NRAP: variants seen among roughly 807,000 people sequenced by gnomAD.
The protein encoded by NRAP is nebulin related anchoring protein.
In NRAP, 189 loss-of-function variants were observed where a neutral mutation model predicts 225.9. The ratio of observed to expected loss-of-function variants is 0.84; its 90% confidence interval spans 0.74 to 0.94. The LOEUF is 0.94. Ranked by LOEUF, NRAP falls within the 40% of genes least tolerant of loss-of-function variation. NRAP has a pLI of 0.00. For synonymous variants in NRAP, 769 were observed against 790.7 expected, an observed-to-expected ratio of 0.97 and a Z score of 0.46; for missense variants, 2,176 against 2,168.7, an observed-to-expected ratio of 1.00 and a Z score of -0.07.
Position 113,621,356 on chromosome 10 carries a change from C to T in NRAP, c.2769+513G>A, listed in dbSNP as rs1306342742. Among the ~76,000 whole-genome samples, 3 of 151,712 alleles carry T rather than the reference C, an allele frequency of 2.0e-5. No individual in the cohort carries two copies. In the East Asian group the frequency reaches 5.8e-4, roughly 29 times the overall value. On this transcript the variant is annotated intron_variant, in intron 24 of 41. Transcript: ENST00000359988. ...ACACACACACAACCTTCCTGTGTGA[C>T]AGTCTGGCTGCAGCTGACCTGCCTT...
Position 113,633,097 on chromosome 10 carries a change from T to G in NRAP, c.1619A>C (p.Lys540Thr). The G allele has an allele frequency of 3.8e-6, 6 of 1,573,698 alleles. No individual in the cohort carries two copies. Among genetic ancestry groups the G allele is most frequent in the Non-Finnish European group, 5.2e-6 (6 of 1,143,360 alleles). The change falls in exon 16 of 42, where the codon AAA becomes ACA. Residue 540 changes from lysine (K) to threonine (T), a missense_variant. This residue lies in a region of NRAP where 1,708 missense variants were observed against 1,695.5 expected (regional missense o/e 1.01). Transcript: ENST00000359988. ...PQLVKAKTNA[K>T]LFSEVKYKEG... ...TTGCTCTCTTACCTCACTGAAGAGT[T>G]TGGCATTGGTTTTGGCCTTCACCAG...
intron 35 of NRAP, among the ~76,000 whole-genome samples, chr10:113,599,137 C>A (rs1011413780): frequency 1.3e-5 from 2 of 152,202 alleles, no homozygotes; most frequent in Non-Finnish European, 2.9e-5. Flanking sequence ...TCTGCTGTAA[C>A]GCAAAATATC....
chr10:113,650,591 T>G, intron 7 of NRAP, 46 bp from the exon 8 acceptor site: 1 of 1,253,166 alleles, frequency 8.0e-7, no homozygotes, highest in Non-Finnish European at 1.2e-6. Context: ...GTTTATCAGA[T>G]GATCTTAGTG....
intron 3 of NRAP, among the ~76,000 whole-genome samples, chr10:113,660,158 T>C (rs757677189): frequency 3.9e-5 from 6 of 151,908 alleles, no homozygotes; most frequent in Admixed American, 6.6e-5. Flanking sequence ...TATATACACA[T>C]ATATACATAC....
intron 9 of NRAP, among the ~76,000 whole-genome samples, chr10:113,649,197 C>G (rs1364560671): frequency 6.6e-6 from 1 of 152,202 alleles, no homozygotes; most frequent in Non-Finnish European, 1.5e-5. Context: ...CATCCTAAGA[C>G]TCATATGAGC....
chr10:113,598,221 G>A (rs1014554656), intron 35 of NRAP, 148 bp from the exon 36 acceptor site: 25 of 659,488 alleles, frequency 3.8e-5, no homozygotes, highest in African/African-American at 1.4e-4. Context: ...TCTGCATGTC[G>A]TCAAGTCAAA....
chr10:113,641,440 C>T lies in NRAP; in HGVS notation c.1248G>A (p.Met416Ile), dbSNP rs1849197774. 1.9e-6 allele frequency: 3 copies of T among 1,613,592 alleles called. No individual in the cohort carries two copies. In the African/African-American group the frequency reaches 4.0e-5, roughly 22 times the overall value. Reference protein sequence around the residue: ...NKYKENYQNHMRGRYEGVGMD... With the variant: ...NKYKENYQNHIRGRYEGVGMD... ...TACCAACTCCTTCATAGCGGCCTCT[C>T]ATGTGGTTCTGGTAGTTTTCTTTAT... Residue 416 changes from methionine (M) to isoleucine (I), a missense_variant, in exon 13 of 42, where the codon ATG (methionine) becomes ATA (isoleucine). Physicochemically the swap from Met to Ile is conservative, Grantham distance 10. Transcript: ENST00000359988.
At chr10:113,652,043 T>C (rs1234618998) in intron 6 of NRAP, 136 bp from the exon 7 acceptor site, 1 of 681,922 alleles carries the variant, frequency 1.5e-6, no homozygotes, top group Non-Finnish European at 2.6e-6. Flanking sequence ...GTGGCTTGTT[T>C]CATGGGCTCC....
intron 37 of NRAP, 95 bp from the exon 38 acceptor site, chr10:113,595,822 G>A: frequency 2.5e-6 from 2 of 809,602 alleles, no homozygotes; most frequent in Non-Finnish European, 4.2e-6. Flanking sequence ...CCTCCCACCT[G>A]AGTGCCCACC....
intron 35 of NRAP, among the ~76,000 whole-genome samples, chr10:113,601,722 A>T (rs912310722): frequency 6.6e-6 from 1 of 152,218 alleles, no homozygotes; most frequent in African/African-American, 2.4e-5. Flanking sequence ...AATAACAGTG[A>T]CATACATGGT....
chr10:113,610,372 A>G (rs1847252008), intron 31 of NRAP, 87 bp downstream of exon 31: 5 of 690,006 alleles, frequency 7.2e-6, no homozygotes, highest in Non-Finnish European at 1.3e-5. Flanking sequence ...AAAAAAAAAA[A>G]AGGAAGAAAG....
intron 6 of NRAP, among the ~76,000 whole-genome samples, chr10:113,652,516 G>C (rs180774548): frequency 6.6e-6 from 1 of 151,944 alleles, no homozygotes; most frequent in African/African-American, 2.4e-5. Flanking sequence ...GTGGTGGCAC[G>C]TGCCTGTAGT....
chr10:113,611,035 C>T (rs1370349461), intron 30 of NRAP, among the ~76,000 whole-genome samples: 2 of 152,160 alleles, frequency 1.3e-5, no homozygotes, highest in South Asian at 2.1e-4. Flanking sequence ...TGCCTGAGTT[C>T]GTGTGGGTGG....
chr10:113,592,708 T>G (rs1846063186), intron 38 of NRAP, among the ~76,000 whole-genome samples: 1 of 152,228 alleles, frequency 6.6e-6, no homozygotes, highest in African/African-American at 2.4e-5. Context: ...GTGCTGTTCC[T>G]TGGGCCTTGG....
At position 113,631,657 on chromosome 10, in the gene NRAP, C is replaced by T. The variant is rs574072900; in HGVS notation, c.1741-47G>A. The T allele has an allele frequency of 2.7e-5, 34 of 1,274,580 alleles. No homozygotes were observed. The South Asian group carries it at 2.9e-4, about 11-fold the overall frequency. The allele number at this position is 1,274,580 out of a possible 1,614,324, so 79.0% of individuals were successfully genotyped here. A position where few individuals can be genotyped will look rare whatever the true frequency, so the allele number is the denominator to read the frequency against. ...TACTGTGAGTGAGAGAGAAACTTTG[C>T]CGTCTAAGGGGCTCTGGTTTTAACA... On this transcript the variant is annotated intron_variant, in intron 17 of 41. Transcript: ENST00000359988.
At chr10:113,644,147 C>CAAAAAAAAAAAA (rs60015356) in intron 11 of NRAP, among the ~76,000 whole-genome samples, 10 of 47,962 alleles carry the variant, frequency 2.1e-4, no homozygotes, top group Non-Finnish European at 2.6e-4. Flanking sequence ...AACTCCCTCT[C>CAAAAAAAAAAAA]AAAAAAAAAA....
At chr10:113,599,730 G>C (rs928870686) in intron 35 of NRAP, among the ~76,000 whole-genome samples, 1 of 152,160 alleles carries the variant, frequency 6.6e-6, no homozygotes, top group African/African-American at 2.4e-5. Context: ...ATAAAAGAGG[G>C]GGCCAGGGGA....
In NRAP at chr10:113,645,816, C is replaced by G. The variant is rs759780035; in HGVS notation, c.1110+9G>C. ...ATGCTCATGGGTGTGACTCTTCCCCCATACGCACCTCACTCACGAGTTTGT... is the reference window on the plus strand; with the variant it reads ...ATGCTCATGGGTGTGACTCTTCCCCGATACGCACCTCACTCACGAGTTTGT... On this transcript the variant is annotated intron_variant, in intron 11 of 41. Transcript: ENST00000359988. 1.4e-6 allele frequency: 2 copies of G among 1,381,488 alleles called. No homozygotes were observed. The highest frequency in any genetic ancestry group is 2.1e-6 in the Non-Finnish European group (2 of 972,368). The allele number at this position is 1,381,488 out of a possible 1,614,324, so 85.6% of individuals were successfully genotyped here.
chr10:113,643,753 T>A (rs1015316846), intron 11 of NRAP, among the ~76,000 whole-genome samples: 14 of 152,148 alleles, frequency 9.2e-5, no homozygotes, highest in African/African-American at 3.1e-4. Context: ...TGACTAAACA[T>A]AAGGACGTAA....
Sources: gnomAD v4.1 joint callset for allele counts (sites outside exome capture counted in the v4.1 genomes callset) on GRCh38, gnomAD v4.1.1 for gene constraint, gnomAD v4.1.1 regional missense constraint, MANE v1.5 for transcripts, NCBI Gene and HGNC (gene_info 2026-07-23, HGNC 2026-07-21) for gene names.